The following GALK2 variants were observed in gnomAD, a reference collection of about 807,000 sequenced individuals.
GALK2 encodes the protein galactokinase 2, also known as N-acetylgalactosamine kinase.
In GALK2, 36 loss-of-function variants were observed where a neutral mutation model predicts 52.4. That is an observed-to-expected ratio of 0.69 (90% CI 0.53 to 0.91). The LOEUF (loss-of-function observed/expected upper bound fraction) is 0.91. GALK2 is among the 40% of genes least tolerant of loss of function. The probability of loss-of-function intolerance (pLI) is 0.00; values close to 1 mark genes in which losing one functional copy is unlikely to be tolerated. For missense variants in GALK2, 579 were observed against 559.1 expected, an observed-to-expected ratio of 1.04 and a Z score of -0.36; for synonymous variants, 176 against 199.1, an observed-to-expected ratio of 0.88 and a Z score of 0.98.
chr15:49,275,008 A>G (rs537138607), intron 5 of GALK2, among the ~76,000 whole-genome samples: 1 of 152,324 alleles, frequency 6.6e-6, no homozygotes, highest in South Asian at 2.1e-4. Flanking sequence ...ATGCTCTAAA[A>G]TAATGATAAA....
At chr15:49,319,910 C>T in intron 9 of GALK2, 105 bp downstream of exon 9, 1 of 960,522 alleles carries the variant, frequency 1.0e-6, no homozygotes, top group South Asian at 1.6e-5. Context: ...AGATCATTCC[C>T]CACTTCCTAT....
chr15:49,213,981 A>G (rs1289493320), intron 2 of GALK2, among the ~76,000 whole-genome samples: 1 of 151,946 alleles, frequency 6.6e-6, no homozygotes. Context: ...TTAGCTGGGC[A>G]TGGTGGCGGG....
intron 3 of GALK2, among the ~76,000 whole-genome samples, chr15:49,338,722 T>G (rs933334011): frequency 6.6e-6 from 1 of 152,214 alleles, no homozygotes; most frequent in Non-Finnish European, 1.5e-5. Context: ...GAAGAGTGTT[T>G]TCCAACTTGG....
chr15:49,321,224 TAAATGAGAACAGCAA>T (rs67524969), intron 9 of GALK2, among the ~76,000 whole-genome samples: 23,355 of 151,880 alleles, frequency 0.15, 2,887 homozygotes, highest in African/African-American at 0.34. Context: ...AGGAGGTGAA[TAAATGAGAACAGCAA>T]ATGCATAGGC....
intron 4 of GALK2, 110 bp from the exon 5 acceptor site, chr15:49,239,111 C>A (rs941013423): frequency 3.6e-6 from 3 of 841,716 alleles, no homozygotes; most frequent in African/African-American, 3.4e-5. Context: ...GTTTCTATAA[C>A]TATTATAAGT....
At chr15:49,355,922 T>TG (rs2043081294) in intron 3 of GALK2, among the ~76,000 whole-genome samples, 1 of 150,490 alleles carries the variant, frequency 6.6e-6, no homozygotes, top group African/African-American at 2.4e-5. Flanking sequence ...CAGAAGAGAG[T>TG]GGGGGCCAAT....
chr15:49,220,058 C>CTT (rs34707025), intron 3 of GALK2, among the ~76,000 whole-genome samples: 3,617 of 92,640 alleles, frequency 0.039, 253 homozygotes, highest in African/African-American at 0.1. Context: ...AGATACAAGT[C>CTT]TTTTTTTTTT....
intron 5 of GALK2, among the ~76,000 whole-genome samples, chr15:49,265,385 A>G (rs911789258): frequency 1.3e-4 from 20 of 152,190 alleles, no homozygotes; most frequent in African/African-American, 4.1e-4. Context: ...CAGGTGCAGG[A>G]TATAATCTCC....
intron 2 of GALK2, among the ~76,000 whole-genome samples, chr15:49,211,395 A>C (rs1377740616): frequency 6.6e-6 from 1 of 152,162 alleles, no homozygotes; most frequent in African/African-American, 2.4e-5. Context: ...GTTTCTTGGA[A>C]GTTCCAAACT....
At chr15:49,213,204 A>G (rs2089071654) in intron 2 of GALK2, among the ~76,000 whole-genome samples, 1 of 152,188 alleles carries the variant, frequency 6.6e-6, no homozygotes, top group African/African-American at 2.4e-5. Flanking sequence ...TACAATTGTT[A>G]TATCCTGTTG....
intron 5 of GALK2, among the ~76,000 whole-genome samples, chr15:49,250,853 A>C (rs1393467959): frequency 2.6e-5 from 4 of 152,126 alleles, no homozygotes; most frequent in Non-Finnish European, 4.4e-5. Context: ...TTATAATGAT[A>C]TTTTTTTGAA....
chr15:49,308,435 A>G lies in GALK2; in HGVS notation c.968-11169A>G, dbSNP rs1408321964. 2.0e-5 allele frequency among the ~76,000 whole-genome samples: 3 copies of G among 152,242 alleles called. 1 individual carries two copies. The South Asian group carries it at 6.2e-4, about 31-fold the overall frequency. On this transcript the variant is annotated intron_variant, in intron 8 of 9. Coordinates refer to ENST00000560031, the MANE Select transcript of GALK2 (RefSeq NM_002044.4). ...TCAGAAAGATTAATTATACACGTAC[A>G]TGATAAAGATTTCCAGTTATCTCAG... is the stretch of plus-strand genomic sequence containing the variant.
At position 49,328,569 on chromosome 15, in the gene GALK2, TA is replaced by T; in HGVS notation, c.*411del. The T allele has an allele frequency of 5.6e-6, 9 of 1,605,034 alleles. No homozygotes were observed. Among genetic ancestry groups the T allele is most frequent in the Non-Finnish European group, 7.7e-6 (9 of 1,173,976 alleles). The stretch of plus-strand genomic sequence containing the variant: ...AATAGAGTTCATTTCTGGTTTCTCT[TA>T]GTATTCTTCTTCCTCAAAGTTGTAG... On this transcript the variant is annotated 3_prime_UTR_variant, in exon 10 of 10. Coordinates refer to ENST00000560031, the MANE Select transcript of GALK2 (RefSeq NM_002044.4).
chr15:49,155,891 G>T, exon 1 of GALK2: 1 of 1,288,660 alleles, frequency 7.8e-7, no homozygotes, highest in African/African-American at 1.5e-5. Flanking sequence ...AGCCTCCTGG[G>T]TAAAGGAGCA....
chr15:49,362,690 T>G (rs2044447621), intron 3 of GALK2, among the ~76,000 whole-genome samples: 1 of 152,188 alleles, frequency 6.6e-6, no homozygotes, highest in Non-Finnish European at 1.5e-5. Flanking sequence ...TCATGAAATC[T>G]TTGCCATTTC....
chr15:49,305,866 G>C (rs1352482331), intron 8 of GALK2, among the ~76,000 whole-genome samples: 1 of 152,154 alleles, frequency 6.6e-6, no homozygotes. Flanking sequence ...CTTCCCAACT[G>C]GCTTCCGGAG....
chr15:49,233,556 C>T (rs2090625754), intron 3 of GALK2, among the ~76,000 whole-genome samples: 1 of 152,190 alleles, frequency 6.6e-6, no homozygotes, highest in Admixed American at 6.5e-5. Flanking sequence ...CTCAAAATCT[C>T]TTTCTGTTTT....
chr15:49,336,786 G>A (rs1232152568), downstream of GALK2, among the ~76,000 whole-genome samples: 2 of 152,058 alleles, frequency 1.3e-5, no homozygotes, highest in Admixed American at 6.6e-5. Flanking sequence ...TGAGGTTTGG[G>A]GTCTGAATGA....
intron 8 of GALK2, among the ~76,000 whole-genome samples, chr15:49,302,431 C>T (rs16962314): frequency 0.06 from 9,177 of 152,078 alleles, 550 homozygotes; most frequent in African/African-American, 0.15. Context: ...TATGCATAAG[C>T]TGTTGTGTTC....
Sources: gnomAD v4.1 joint callset for allele counts (sites outside exome capture counted in the v4.1 genomes callset) on GRCh38, gnomAD v4.1.1 for gene constraint, MANE v1.5 for transcripts, NCBI Gene and HGNC (gene_info 2026-07-23, HGNC 2026-07-21) for gene names.